Variants in PTPRD observed in about 807,000 individuals in gnomAD.
PTPRD encodes protein tyrosine phosphatase receptor type D.
Under a neutral mutation model 214.5 loss-of-function variants are expected in PTPRD, and 34 were observed. That is an observed-to-expected ratio of 0.16 (90% CI 0.12 to 0.21). The LOEUF (loss-of-function observed/expected upper bound fraction) is 0.21. Ranked by LOEUF, PTPRD falls within the 10% of genes least tolerant of loss-of-function variation. The pLI is 1.00. For missense variants in PTPRD, 2,545 were observed against 2,398.7 expected (o/e 1.06, Z -1.27); for synonymous variants, 1,128 against 845.7 (o/e 1.33, Z -5.79).
intron 11 of PTPRD, among the ~76,000 whole-genome samples, chr9:8,775,470 G>C (rs2095433447): frequency 6.6e-6 from 1 of 152,234 alleles, no homozygotes; most frequent in Non-Finnish European, 1.5e-5. Context: ...CCAAAATTAG[G>C]TGAGATGCAG....
chr9:9,144,624 G>A (rs1379140466), intron 10 of PTPRD, among the ~76,000 whole-genome samples: 2 of 151,924 alleles, frequency 1.3e-5, no homozygotes, highest in Non-Finnish European at 2.9e-5. Flanking sequence ...GTGGTGGCAC[G>A]CGCCTGTAAT....
Position 10,321,790 on chromosome 9 carries a change from G to C in PTPRD, c.-545+19173C>G, listed in dbSNP as rs533165217. Among the ~76,000 whole-genome samples the C allele has an allele frequency of 3.9e-5, 6 of 152,182 alleles. No individual in the cohort carries two copies. The South Asian group carries it at 8.3e-4, about 21-fold the overall frequency. ...TAAGAAACAGCTGATTAGAATGGCT[G>C]ACTCCTATGAAATTCAAATGATCAT... On this transcript the variant is annotated intron_variant, in intron 3 of 45. Transcript: ENST00000381196.
At chr9:9,603,973 T>C (rs988095541) in intron 7 of PTPRD, among the ~76,000 whole-genome samples, 1 of 152,058 alleles carries the variant, frequency 6.6e-6, no homozygotes, top group African/African-American at 2.4e-5. Flanking sequence ...AAGCAAGAAA[T>C]ACAACTCATT....
intron 11 of PTPRD, among the ~76,000 whole-genome samples, chr9:8,947,432 C>T (rs1310806788): frequency 2.1e-5 from 3 of 142,312 alleles, no homozygotes; most frequent in Admixed American, 7.3e-5. Flanking sequence ...CACTGAATTC[C>T]AGCCTGGATG....
intron 2 of PTPRD, among the ~76,000 whole-genome samples, chr9:10,611,354 G>C (rs994371792): frequency 2.4e-4 from 36 of 152,170 alleles, no homozygotes; most frequent in South Asian, 1.0e-3. Context: ...ATTTGGCAGT[G>C]ATAAAGAAAA....
intron 14 of PTPRD, among the ~76,000 whole-genome samples, chr9:8,614,330 G>A (rs966974036): frequency 3.3e-5 from 5 of 152,116 alleles, no homozygotes; most frequent in Admixed American, 6.6e-5. Flanking sequence ...GTCAAACAAG[G>A]CAACCAGTTT....
chr9:10,280,824 A>G (rs1352861319), intron 3 of PTPRD, among the ~76,000 whole-genome samples: 3 of 151,788 alleles, frequency 2.0e-5, no homozygotes, highest in African/African-American at 7.3e-5. Flanking sequence ...TTTGTTGTCC[A>G]GGCTGGTCTT....
chr9:8,947,444 C>G (rs2099072564), intron 11 of PTPRD, among the ~76,000 whole-genome samples: 1 of 121,066 alleles, frequency 8.3e-6, no homozygotes, highest in Non-Finnish European at 1.6e-5. Flanking sequence ...GCCTGGATGA[C>G]AGAGCGAGAC....
intron 11 of PTPRD, among the ~76,000 whole-genome samples, chr9:8,921,279 C>T (rs938588908): frequency 1.3e-5 from 2 of 152,128 alleles, no homozygotes; most frequent in Non-Finnish European, 2.9e-5. Context: ...GGCAGTGATT[C>T]TTCCTGTGTT....
At chr9:9,754,928 G>A (rs1255957614) in intron 6 of PTPRD, among the ~76,000 whole-genome samples, 5 of 151,948 alleles carry the variant, frequency 3.3e-5, no homozygotes, top group South Asian at 4.1e-4. Context: ...TTTAATCACA[G>A]GTTTGCAAAG....
intron 5 of PTPRD, among the ~76,000 whole-genome samples, chr9:9,867,056 A>G (rs2064151201): frequency 1.3e-5 from 2 of 152,142 alleles, no homozygotes; most frequent in Admixed American, 1.3e-4. Context: ...ATAGACTCAA[A>G]GTTTACAAAC....
intron 10 of PTPRD, among the ~76,000 whole-genome samples, chr9:9,176,455 G>A (rs1300158621): frequency 6.6e-6 from 1 of 151,908 alleles, no homozygotes; most frequent in Non-Finnish European, 1.5e-5. Context: ...CATTTATTAG[G>A]TAATTTCCAA....
chr9:9,965,548 AGTTAATT>A (rs1301237718), intron 4 of PTPRD, among the ~76,000 whole-genome samples: 1 of 152,158 alleles, frequency 6.6e-6, no homozygotes, highest in Non-Finnish European at 1.5e-5. Flanking sequence ...GGAGATTCAG[AGTTAATT>A]GTGGCTCTAA....
rs1856526515 is a variant in PTPRD at position 8,345,299 on chromosome 9, A to AC, written c.4662-3322dup. On this transcript the variant is annotated intron_variant, in intron 39 of 45. Transcript: ENST00000381196. ...CTGCCCTGAAGTCCTACAGTCATGC[A>AC]CGCCATACCTGGATAGCAGAGAAGA... Among the ~76,000 whole-genome samples the AC allele has an allele frequency of 2.0e-5, 3 of 152,106 alleles. No homozygotes were observed. The South Asian group carries it at 6.2e-4, about 32-fold the overall frequency.
chr9:10,602,417 C>A (rs1344368496), intron 2 of PTPRD, among the ~76,000 whole-genome samples: 1 of 151,486 alleles, frequency 6.6e-6, no homozygotes, highest in Non-Finnish European at 1.5e-5. Flanking sequence ...TTTTATTCAA[C>A]TTTTTAAAAA....
At chr9:8,324,409 G>C (rs1303193304) in intron 44 of PTPRD, among the ~76,000 whole-genome samples, 1 of 152,144 alleles carries the variant, frequency 6.6e-6, no homozygotes, top group Non-Finnish European at 1.5e-5. Flanking sequence ...CTTCATCCAT[G>C]TCCCTGCAAA....
intron 8 of PTPRD, among the ~76,000 whole-genome samples, chr9:9,419,989 T>C (rs1020235364): frequency 2.0e-5 from 3 of 151,640 alleles, no homozygotes; most frequent in African/African-American, 7.2e-5. Context: ...ATCTAAATTT[T>C]GATGGTAAGG....
intron 8 of PTPRD, among the ~76,000 whole-genome samples, chr9:9,539,250 G>T (rs1569569120): frequency 6.6e-6 from 1 of 151,844 alleles, no homozygotes; most frequent in African/African-American, 2.4e-5. Context: ...TCAGTGGCAG[G>T]TACCTAGGCC....
intron 9 of PTPRD, among the ~76,000 whole-genome samples, chr9:9,297,320 A>G (rs781327944): frequency 6.6e-6 from 1 of 151,684 alleles, no homozygotes; most frequent in Non-Finnish European, 1.5e-5. Context: ...AGAGACAGAG[A>G]TATGGTTTTG....
Sources: allele counts gnomAD v4.1 joint callset (sites outside exome capture counted in the v4.1 genomes callset), GRCh38; gene constraint gnomAD v4.1.1; transcripts MANE v1.5; gene names NCBI Gene and HGNC (gene_info 2026-07-23, HGNC 2026-07-21).